Variants in DLG2 observed in about 807,000 individuals in gnomAD.
DLG2 encodes the protein disks large homolog 2.
Under a neutral mutation model 132.5 loss-of-function variants are expected in DLG2, and 45 were observed. That is an observed-to-expected ratio of 0.34 (90% confidence interval 0.27 to 0.44). The LOEUF (loss-of-function observed/expected upper bound fraction) is 0.44, where lower values mean the gene tolerates loss of function less well. Ranked by LOEUF, DLG2 falls within the 20% of genes least tolerant of loss-of-function variation. The pLI is 1.00. For synonymous variants in DLG2, 424 were observed against 419.6 expected, an observed-to-expected ratio of 1.01 and a Z score of -0.13; for missense variants, 1,045 against 1,196.9, an observed-to-expected ratio of 0.87 and a Z score of 1.87.
intron 3 of DLG2, among the ~76,000 whole-genome samples, chr11:85,438,784 A>G (rs1040075263): frequency 1.3e-5 from 2 of 152,126 alleles, no homozygotes; most frequent in African/African-American, 4.8e-5. Context: ...AAGATACTGA[A>G]CAGCTGAATC....
chr11:84,902,410 G>A (rs1392409854), intron 6 of DLG2, among the ~76,000 whole-genome samples: 1 of 152,052 alleles, frequency 6.6e-6, no homozygotes, highest in African/African-American at 2.4e-5. Context: ...TGCATCATGT[G>A]GTAGCACTTA....
At chr11:85,151,584 C>T (rs902317079) in intron 5 of DLG2, among the ~76,000 whole-genome samples, 2 of 152,034 alleles carry the variant, frequency 1.3e-5, no homozygotes, top group Admixed American at 6.6e-5. Context: ...AAAGTAAGGG[C>T]CCAACTTTAT....
chr11:84,735,781 T>C (rs1228616537), intron 6 of DLG2, among the ~76,000 whole-genome samples: 1 of 152,134 alleles, frequency 6.6e-6, no homozygotes, highest in Non-Finnish European at 1.5e-5. Flanking sequence ...TTTAGTGCTA[T>C]AAATTTCCCT....
chr11:83,663,954 A>T (rs1028112553), intron 18 of DLG2, among the ~76,000 whole-genome samples: 1 of 152,210 alleles, frequency 6.6e-6, no homozygotes. Context: ...TTTGGAATCA[A>T]ACTGATCTGG....
chr11:85,108,678 G>A (rs973632539), intron 6 of DLG2, among the ~76,000 whole-genome samples: 1 of 152,010 alleles, frequency 6.6e-6, no homozygotes, highest in African/African-American at 2.4e-5. Context: ...AAATCCCAGT[G>A]TTAGTGCTTT....
chr11:85,132,736 G>C (rs1280934914), intron 5 of DLG2: 1 of 456,496 alleles, frequency 2.2e-6, no homozygotes, highest in African/African-American at 2.0e-5. Context: ...GAAAAATGCT[G>C]CACACAATAA....
intron 7 of DLG2, among the ~76,000 whole-genome samples, chr11:84,475,237 TA>T (rs544776438): frequency 4.1e-4 from 63 of 152,096 alleles, no homozygotes; most frequent in Middle Eastern, 3.4e-3. Flanking sequence ...TGTATCTCAT[TA>T]AAAAAAATAT....
chr11:84,610,149 G>A (rs1209889387), intron 6 of DLG2, among the ~76,000 whole-genome samples: 1 of 152,014 alleles, frequency 6.6e-6, no homozygotes, highest in Non-Finnish European at 1.5e-5. Flanking sequence ...GAGATATGTG[G>A]ATGATACTGA....
chr11:84,103,932 T>C (rs2092718374), intron 9 of DLG2, among the ~76,000 whole-genome samples: 1 of 152,090 alleles, frequency 6.6e-6, no homozygotes, highest in Non-Finnish European at 1.5e-5. Flanking sequence ...TACTTTAAAA[T>C]ACTGTTTGAC....
intron 6 of DLG2, among the ~76,000 whole-genome samples, chr11:85,099,897 C>G (rs898509626): frequency 6.6e-6 from 1 of 152,152 alleles, no homozygotes. Context: ...GGACCTGGCA[C>G]TCCATAACCA....
rs1399136136 is a variant in DLG2, at chr11:83,457,623, T to C, written c.*2195A>G. 1 of 152,452 alleles carries C rather than the reference T, an allele frequency of 6.6e-6. No individual in the cohort carries two copies. Among genetic ancestry groups the C allele is most frequent in the African/African-American group, 2.4e-5 (1 of 41,444 alleles). 9.4% of individuals were successfully genotyped at this position (152,452 alleles called of 1,614,324 possible). On this transcript the variant is annotated 3_prime_UTR_variant, in exon 28 of 28. Coordinates refer to ENST00000376104, the MANE Select transcript of DLG2 (RefSeq NM_001142699.3). ...AAACATCTACTCATTAATGACAGTC[T>C]TTTAAATAAATGGTTGCATGCTCAG...
chr11:85,309,575 T>C (rs1315129846), intron 3 of DLG2, among the ~76,000 whole-genome samples: 2 of 152,114 alleles, frequency 1.3e-5, no homozygotes, highest in African/African-American at 4.8e-5. Flanking sequence ...ATGAAACATA[T>C]AGTCATTACC....
chr11:85,094,829 C>T (rs2069448425), intron 6 of DLG2, among the ~76,000 whole-genome samples: 1 of 152,176 alleles, frequency 6.6e-6, no homozygotes. Context: ...CACAACTTGG[C>T]TGTTTGGTGC....
intron 6 of DLG2, among the ~76,000 whole-genome samples, chr11:84,616,488 G>A (rs574049952): frequency 6.6e-6 from 1 of 152,160 alleles, no homozygotes; most frequent in South Asian, 2.1e-4. Flanking sequence ...GTACAGTTTG[G>A]TGGCTTTCTA....
At chr11:85,339,438 T>C (rs2152855641) in intron 3 of DLG2, among the ~76,000 whole-genome samples, 1 of 152,306 alleles carries the variant, frequency 6.6e-6, no homozygotes, top group South Asian at 2.1e-4. Context: ...TATTGTCCAT[T>C]TTCCCTCCAG....
intron 8 of DLG2, among the ~76,000 whole-genome samples, chr11:84,231,921 T>C (rs867747944): frequency 3.9e-5 from 6 of 152,036 alleles, no homozygotes; most frequent in South Asian, 4.1e-4. Flanking sequence ...GCAAACATAC[T>C]ATGTAAGGAT....
At chr11:84,746,115 C>G (rs2065321847) in intron 6 of DLG2, among the ~76,000 whole-genome samples, 1 of 151,936 alleles carries the variant, frequency 6.6e-6, no homozygotes, top group Non-Finnish European at 1.5e-5. Flanking sequence ...AGGCAAAAAG[C>G]AGACAATTAT....
intron 8 of DLG2, among the ~76,000 whole-genome samples, chr11:84,194,109 A>G (rs2096466359): frequency 1.3e-5 from 2 of 152,204 alleles, no homozygotes; most frequent in South Asian, 4.1e-4. Context: ...CTTAATCTGG[A>G]TGGGGAATCA....
intron 21 of DLG2, among the ~76,000 whole-genome samples, chr11:83,528,544 T>C (rs2095662172): frequency 8.2e-6 from 1 of 121,314 alleles, no homozygotes; most frequent in South Asian, 2.7e-4. Flanking sequence ...CATTCAAATA[T>C]TGCCTCTTTG....
Sources: allele counts gnomAD v4.1 joint callset (sites outside exome capture counted in the v4.1 genomes callset), GRCh38; gene constraint gnomAD v4.1.1; transcripts MANE v1.5; gene names NCBI Gene and HGNC (gene_info 2026-07-23, HGNC 2026-07-21).